Variants in TMEM63B observed in about 807,000 individuals in gnomAD.
TMEM63B encodes mechanosensitive cation channel TMEM63B.
TMEM63B carries 23 observed loss-of-function variants against 102.6 expected under a neutral mutation model. That is an observed-to-expected ratio of 0.22 (90% confidence interval 0.16 to 0.32). The LOEUF (loss-of-function observed/expected upper bound fraction) is 0.32, where lower values mean the gene tolerates loss of function less well. Ranked by LOEUF, TMEM63B falls within the 10% of genes least tolerant of loss-of-function variation. The pLI is 1.00. For synonymous variants in TMEM63B, 444 were observed against 437.0 expected, an observed-to-expected ratio of 1.02 and a Z score of -0.20; for missense variants, 628 against 1,095.9, an observed-to-expected ratio of 0.57 and a Z score of 6.03.
In TMEM63B at chr6:44,153,748, T is replaced by C. The variant is rs1370042103; in HGVS notation, c.2015T>C (p.Leu672Pro). 1 of 1,614,162 alleles carries C rather than the reference T, an allele frequency of 6.2e-7. No individual in the cohort carries two copies. Among genetic ancestry groups the C allele is most frequent in the Non-Finnish European group, 8.5e-7 (1 of 1,180,028 alleles). ...NLYYAYLPAK[L>P]DKKIHSGAVN... is the part of the protein sequence containing the mutation. ...TACTACGCCTACCTGCCGGCCAAGC[T>C]GGACAAGAAGATCCACTCGGGGGCT... is the stretch of plus-strand genomic sequence containing the variant. The change falls in exon 21 of 24, where the codon CTG becomes CCG. Residue 672 changes from leucine (L) to proline (P), a missense_variant. This residue lies in a region of TMEM63B where 90 missense variants were observed against 136.7 expected (regional missense o/e 0.66). Transcript: ENST00000323267.
Position 44,154,076 on chromosome 6 carries a change from T to C in TMEM63B, c.2114T>C (p.Phe705Ser). ...ATTCTTTGCCCCCCAACACCAGGGT[T>C]CCTAGCTCCCACGTCTATGTTCACA... ...LLFFSTMRTG[F>S]LAPTSMFTFV... is the part of the protein sequence containing the mutation. Residue 705 changes from phenylalanine (F) to serine (S), a missense_variant, in exon 22 of 24, where the codon TTC becomes TCC. Coordinates refer to ENST00000323267, the MANE Select transcript of TMEM63B (RefSeq NM_018426.3). 1 of 1,614,038 alleles carries C rather than the reference T, an allele frequency of 6.2e-7. No homozygotes were observed.
intron 5 of TMEM63B, among the ~76,000 whole-genome samples, chr6:44,138,163 C>T (rs1228661629): frequency 2.6e-5 from 4 of 152,162 alleles, no homozygotes; most frequent in African/African-American, 9.7e-5. Context: ...TCCTGCTAAC[C>T]TTAGAACCCC....
chr6:44,134,057 CCATT>C (rs1477479176), intron 1 of TMEM63B, among the ~76,000 whole-genome samples: 1 of 152,208 alleles, frequency 6.6e-6, no homozygotes, highest in Non-Finnish European at 1.5e-5. Context: ...TGAAATCATG[CCATT>C]TTTTCTAATA....
At position 44,154,883 on chromosome 6, in the gene TMEM63B, A is replaced by G. The variant is rs1582840407; in HGVS notation, c.2499A>G (p.Ter833=). The change falls in exon 24 of 24, where the codon TAA becomes TAG. Residue 833 remains the stop codon, a stop_retained_variant. Coordinates refer to ENST00000323267, the MANE Select transcript of TMEM63B (RefSeq NM_018426.3). ...TCATAGAGAATGAGATTCACCAGTAAGGGGAGGGAGGGGCCCTGGAGGCCA... is the reference window on the plus strand; with the variant it reads ...TCATAGAGAATGAGATTCACCAGTAGGGGGAGGGAGGGGCCCTGGAGGCCA... ...DSLIENEIHQ[*] 6.5e-7 allele frequency: 1 copy of G among 1,537,740 alleles called. No individual in the cohort carries two copies. The highest frequency in any genetic ancestry group is 8.7e-7 in the Non-Finnish European group (1 of 1,143,318).
Position 44,150,573 on chromosome 6 carries a change from C to T in TMEM63B, c.1617C>T (p.Leu539=). The change falls in exon 18 of 24, where the codon CTC becomes CTT. Residue 539 remains leucine, a synonymous_variant. Coordinates refer to ENST00000323267, the MANE Select transcript of TMEM63B (RefSeq NM_018426.3). The surrounding 1 kb of genome is among the most constrained non-coding windows in gnomAD (Gnocchi z 4.7). ...CTCTGCTTCCCTCCAGCCTGGACCT[C>T]TTCTTCCGCTGGCTCTTTGATAAGA... The part of the protein sequence containing the change: ...LPSLGLSSLD[L]FFRWLFDKKF... 1 of 1,614,212 alleles carries T rather than the reference C, an allele frequency of 6.2e-7. No individual in the cohort carries two copies. Among genetic ancestry groups the T allele is most frequent in the Non-Finnish European group, 8.5e-7 (1 of 1,180,024 alleles).
At position 44,136,450 on chromosome 6, in the gene TMEM63B, TC is replaced by T. The variant is rs746984534; in HGVS notation, c.369+17del. On this transcript the variant is annotated intron_variant, in intron 5 of 23. Coordinates refer to ENST00000323267, the MANE Select transcript of TMEM63B (RefSeq NM_018426.3). ...GACCAAAGGGACAATGTGAGTGCCC[TC>T]CCCCCAAACTTCTTAGTCCCCCACC... 4 of 1,605,862 alleles carry T rather than the reference TC, an allele frequency of 2.5e-6. No homozygotes were observed. The highest frequency in any genetic ancestry group is 3.4e-6 in the Non-Finnish European group (4 of 1,174,784).
intron 10 of TMEM63B, among the ~76,000 whole-genome samples, chr6:44,144,298 G>C (rs1234811163): frequency 6.6e-6 from 1 of 152,206 alleles, no homozygotes; most frequent in Non-Finnish European, 1.5e-5. Context: ...TTGGAAGACT[G>C]TCTCAGCACA....
chr6:44,130,768 T>C (rs1278901951), intron 1 of TMEM63B, among the ~76,000 whole-genome samples: 1 of 135,206 alleles, frequency 7.4e-6, no homozygotes, highest in Non-Finnish European at 1.6e-5. Context: ...TTTTTTCCCC[T>C]CGAGACAAGG....
intron 18 of TMEM63B, among the ~76,000 whole-genome samples, chr6:44,151,446 G>A (rs1167005198): frequency 6.6e-6 from 1 of 152,012 alleles, no homozygotes; most frequent in Non-Finnish European, 1.5e-5. Context: ...GGAGGTATCT[G>A]AGGCTCATGT....
At position 44,150,762 on chromosome 6, in the gene TMEM63B, C is replaced by G; in HGVS notation, c.1673+133C>G. 1 of 955,796 alleles carries G rather than the reference C, an allele frequency of 1.0e-6. No individual in the cohort carries two copies. Among genetic ancestry groups the G allele is most frequent in the Non-Finnish European group, 1.6e-6 (1 of 622,336 alleles). 59.2% of individuals were successfully genotyped at this position (955,796 alleles called of 1,614,324 possible). On this transcript the variant is annotated intron_variant, in intron 18 of 23. Coordinates refer to ENST00000323267, the MANE Select transcript of TMEM63B (RefSeq NM_018426.3). The surrounding 1 kb of genome is among the most constrained non-coding windows in gnomAD (Gnocchi z 4.7). ...AGGGGGCAGAAGAGAGAGGATCTGGCGGGGTTACCCCAAAGGCACCCACAA... is the reference window on the plus strand; with the variant it reads ...AGGGGGCAGAAGAGAGAGGATCTGGGGGGGTTACCCCAAAGGCACCCACAA...
Position 44,147,448 on chromosome 6 carries a change from A to G in TMEM63B, c.935A>G (p.Asn312Ser). 1 of 1,614,042 alleles carries G rather than the reference A, an allele frequency of 6.2e-7. No homozygotes were observed. The highest frequency in any genetic ancestry group is 8.5e-7 in the Non-Finnish European group (1 of 1,179,996). Residue 312 changes from asparagine (N) to serine (S), a missense_variant, in exon 12 of 24, where the codon AAC (asparagine) becomes AGC (serine). Physicochemically the swap from Asn to Ser is conservative, Grantham distance 46. Around this residue, in one of 6 missense-constraint regions of TMEM63B, gnomAD observed 336 missense variants for 580.3 expected, o/e 0.58. Transcript: ENST00000323267. ...QSKENVPTMI[N>S]PKPCGHLCCC... is the part of the protein sequence containing the mutation. ...AAGGAGAACGTGCCTACCATGATCA[A>G]CCCCAAGCCCTGTGGCCACCTCTGC...
intron 1 of TMEM63B, among the ~76,000 whole-genome samples, chr6:44,131,592 G>A (rs1299861332): frequency 2.6e-5 from 4 of 152,096 alleles, no homozygotes; most frequent in African/African-American, 9.7e-5. Flanking sequence ...GGTGGCATGT[G>A]TCTGTAGTCC....
chr6:44,137,434 A>G (rs924524417), intron 5 of TMEM63B, among the ~76,000 whole-genome samples: 2 of 152,134 alleles, frequency 1.3e-5, no homozygotes, highest in African/African-American at 4.8e-5. Context: ...CAGCTTCCTG[A>G]GTTGGACTCA....
At chr6:44,135,958 G>A (rs1762853326) in intron 4 of TMEM63B, among the ~76,000 whole-genome samples, 1 of 152,074 alleles carries the variant, frequency 6.6e-6, no homozygotes, top group Admixed American at 6.5e-5. Flanking sequence ...GGTTCTCCTG[G>A]TCCATCCTTT....
chr6:44,149,094 T>G, intron 15 of TMEM63B, 149 bp downstream of exon 15: 1 of 1,208,228 alleles, frequency 8.3e-7, no homozygotes, highest in Non-Finnish European at 1.2e-6. Context: ...CTGTGTGCAC[T>G]TCCCTTGGGC....
intron 10 of TMEM63B, among the ~76,000 whole-genome samples, chr6:44,143,669 AG>A (rs1030204643): frequency 4.6e-5 from 7 of 152,156 alleles, no homozygotes; most frequent in African/African-American, 1.7e-4. Flanking sequence ...AAACGACAGA[AG>A]GCCTGCCCTC....
At position 44,138,897 on chromosome 6, in the gene TMEM63B, C is replaced by T. The variant is rs1198848403; in HGVS notation, c.407+380C>T. ...ATCCAGCCAGAGTCCAGCAGGCAGG[C>T]AGTGAGCGCTGAGAAAGGCAGGAAG... On this transcript the variant is annotated intron_variant, in intron 6 of 23. Transcript: ENST00000323267. The T allele has an allele frequency of 5.0e-5, 15 of 298,136 alleles. No individual in the cohort carries two copies. The East Asian group carries it at 1.1e-3, about 21-fold the overall frequency. 18.5% of individuals were successfully genotyped at this position (298,136 alleles called of 1,614,324 possible).
chr6:44,138,736 G>GTCCCCCCCCCCCCCCCCCCCCCCCCCC (rs567563400), intron 6 of TMEM63B: 1 of 276,124 alleles, frequency 3.6e-6, no homozygotes, highest in Non-Finnish European at 7.1e-6. Flanking sequence ...CCCCCTGCCG[G>GTCCCCCCCCCCCCCCCCCCCCCCCCCC]CCCCCCCGCT....
At chr6:44,153,164 C>T (rs1298936058) in intron 20 of TMEM63B, among the ~76,000 whole-genome samples, 1 of 152,234 alleles carries the variant, frequency 6.6e-6, no homozygotes, top group Non-Finnish European at 1.5e-5. Context: ...GGCCAGGTCT[C>T]TCTTCCTTTT....
Sources: allele counts gnomAD v4.1 joint callset (sites outside exome capture counted in the v4.1 genomes callset), GRCh38; gene constraint gnomAD v4.1.1; regional missense constraint gnomAD v4.1.1; non-coding constraint Gnocchi (gnomAD v3.1); transcripts MANE v1.5; gene names NCBI Gene and HGNC (gene_info 2026-07-23, HGNC 2026-07-21).